The following AP2B1 variants were observed in gnomAD, a reference collection of about 807,000 sequenced individuals.
AP2B1 encodes the protein AP-2 complex subunit beta.
In AP2B1, 23 loss-of-function variants were observed where a neutral mutation model predicts 102.0. The observed-to-expected ratio is 0.23, with a 90% CI of 0.16 to 0.32. The LOEUF is 0.32. Ranked by LOEUF, AP2B1 falls within the 10% of genes least tolerant of loss-of-function variation. The pLI, the probability that AP2B1 is intolerant of heterozygous loss-of-function variation, is 1.00. For missense variants in AP2B1, 541 were observed against 1,157.4 expected (o/e 0.47, Z 7.73); for synonymous variants, 381 against 421.2 (o/e 0.90, Z 1.17).
At position 35,671,689 on chromosome 17, in the gene AP2B1, A is replaced by G. The variant is rs114491701; in HGVS notation, c.2032-65A>G. 64 of 1,513,712 alleles carry G rather than the reference A, an allele frequency of 4.2e-5. No individual in the cohort carries two copies. The African/African-American group carries it at 6.9e-4, about 16-fold the overall frequency. 93.8% of individuals were successfully genotyped at this position (1,513,712 alleles called of 1,614,324 possible). A position where few individuals can be genotyped will look rare whatever the true frequency, so the allele number is the denominator to read the frequency against. On this transcript the variant is annotated intron_variant, in intron 15 of 21. Transcript: ENST00000610402. ...ATCAAAACTACTAAGATATATAGCAATATTTTAAGGACTGTTAATCTGTTC... is the reference window on the plus strand; with the variant it reads ...ATCAAAACTACTAAGATATATAGCAGTATTTTAAGGACTGTTAATCTGTTC...
At chr17:35,648,743 AGTGTGTGTGT>A (rs10668040) in intron 12 of AP2B1, among the ~76,000 whole-genome samples, 137 of 148,690 alleles carry the variant, frequency 9.2e-4, no homozygotes, top group African/African-American at 2.8e-3. Flanking sequence ...ATATGAAATA[AGTGTGTGTGT>A]GTGTGTGTGT....
chr17:35,659,588 A>G (rs1392628519), intron 14 of AP2B1, among the ~76,000 whole-genome samples: 5 of 151,956 alleles, frequency 3.3e-5, no homozygotes, highest in East Asian at 3.9e-4. Context: ...ACACAGGCCT[A>G]TTTCCTTTTT....
intron 14 of AP2B1, among the ~76,000 whole-genome samples, chr17:35,669,351 C>T (rs1598232581): frequency 6.6e-6 from 1 of 152,208 alleles, no homozygotes; most frequent in East Asian, 1.9e-4. Flanking sequence ...ACCATGTTGG[C>T]CAGGGTGGTC....
intron 18 of AP2B1, among the ~76,000 whole-genome samples, chr17:35,687,631 T>C (rs901045938): frequency 1.3e-5 from 2 of 152,174 alleles, no homozygotes; most frequent in African/African-American, 4.8e-5. Flanking sequence ...CATTGCAGCC[T>C]CAAACTCCTA....
intron 18 of AP2B1, among the ~76,000 whole-genome samples, chr17:35,707,395 CCTGCCTTGGCCTCCCAAAGTGCTGG>C (rs2076363666): frequency 6.6e-6 from 1 of 151,580 alleles, no homozygotes; most frequent in Non-Finnish European, 1.5e-5. Flanking sequence ...TCGTGATCTG[CCTGCCTTGGCCTCCCAAAGTGCTGG>C]GATTACAGGC....
At chr17:35,667,856 G>A (rs1385297606) in intron 14 of AP2B1, among the ~76,000 whole-genome samples, 3 of 151,838 alleles carry the variant, frequency 2.0e-5, no homozygotes, top group African/African-American at 4.8e-5. Flanking sequence ...TCAGAAAGTC[G>A]AAAACCACCT....
chr17:35,676,944 T>C (rs191368803), intron 17 of AP2B1, among the ~76,000 whole-genome samples: 1 of 152,344 alleles, frequency 6.6e-6, no homozygotes, highest in East Asian at 1.9e-4. Context: ...AGTCCATGGC[T>C]TGCCTTTTCT....
chr17:35,651,708 A>G (rs2075089988), intron 13 of AP2B1, among the ~76,000 whole-genome samples: 1 of 146,344 alleles, frequency 6.8e-6, no homozygotes, highest in Non-Finnish European at 1.5e-5. Flanking sequence ...GTGGATACAG[A>G]TAAAGGAAAA....
chr17:35,594,970 CT>C (rs2073217955), intron 2 of AP2B1, among the ~76,000 whole-genome samples: 1 of 152,160 alleles, frequency 6.6e-6, no homozygotes, highest in African/African-American at 2.4e-5. Flanking sequence ...TGTAGCTTAG[CT>C]TGCTTTATTT....
chr17:35,677,317 CAGT>C (rs1257884901), intron 17 of AP2B1, among the ~76,000 whole-genome samples: 1 of 152,198 alleles, frequency 6.6e-6, no homozygotes, highest in African/African-American at 2.4e-5. Context: ...TCAGGTTCAT[CAGT>C]TTTTTTTCTT....
chr17:35,718,012 A>G (rs587710981), intron 21 of AP2B1, among the ~76,000 whole-genome samples: 12 of 152,332 alleles, frequency 7.9e-5, no homozygotes, highest in African/African-American at 2.4e-4. Context: ...CAATTTCCCA[A>G]TAGGATGTCA....
At chr17:35,605,599 T>C in intron 3 of AP2B1, 106 bp from the exon 4 acceptor site, 1 of 805,056 alleles carries the variant, frequency 1.2e-6, no homozygotes, top group Non-Finnish European at 2.0e-6. Context: ...TGGGGACATT[T>C]GTTCTTGCAT....
chr17:35,627,339 C>G (rs371708971), intron 7 of AP2B1, 46 bp from the exon 8 acceptor site: 248 of 1,376,422 alleles, frequency 1.8e-4, no homozygotes, highest in Non-Finnish European at 1.4e-4. Flanking sequence ...AAGGGTATAT[C>G]AGTATATGCC....
At chr17:35,664,907 A>G (rs191767799) in intron 14 of AP2B1, among the ~76,000 whole-genome samples, 2 of 152,110 alleles carry the variant, frequency 1.3e-5, no homozygotes. Flanking sequence ...TTTGTCTTAC[A>G]TCAGGAAGTA....
At chr17:35,605,656 G>T (rs147396999) in intron 3 of AP2B1, 49 bp from the exon 4 acceptor site, 1 of 1,387,266 alleles carries the variant, frequency 7.2e-7, no homozygotes, top group Non-Finnish European at 1.0e-6. Flanking sequence ...CAACAGCTTG[G>T]CACCAACACC....
chr17:35,605,693 C>T lies in AP2B1; in HGVS notation c.144-12C>T, dbSNP rs763115437. 1 of 1,597,272 alleles carries T rather than the reference C, an allele frequency of 6.3e-7. No individual in the cohort carries two copies. Among genetic ancestry groups the T allele is most frequent in the Non-Finnish European group, 8.6e-7 (1 of 1,169,324 alleles). Reference sequence around the variant, plus strand: ...GCTTACTTTCCTTTTCTCTTTTACCCTCTCTTCTCAGTTCTCTCTTTCCAG... The same window carrying T: ...GCTTACTTTCCTTTTCTCTTTTACCTTCTCTTCTCAGTTCTCTCTTTCCAG... On this transcript the variant is annotated splice_polypyrimidine_tract_variant and intron_variant, in intron 3 of 21. Transcript: ENST00000610402.
chr17:35,626,558 T>G, intron 6 of AP2B1, 63 bp from the exon 7 acceptor site: 10 of 1,358,260 alleles, frequency 7.4e-6, no homozygotes, highest in Non-Finnish European at 1.0e-5. Flanking sequence ...CATATTACCT[T>G]ATAGAATGAA....
chr17:35,709,707 T>C (rs1555586587), intron 19 of AP2B1, among the ~76,000 whole-genome samples: 2 of 152,244 alleles, frequency 1.3e-5, no homozygotes, highest in Non-Finnish European at 2.9e-5. Context: ...ATAATACATG[T>C]AAATTTAGCA....
At chr17:35,640,712 C>G (rs999750390) in intron 11 of AP2B1, among the ~76,000 whole-genome samples, 2 of 152,190 alleles carry the variant, frequency 1.3e-5, no homozygotes, top group Admixed American at 1.3e-4. Flanking sequence ...GCATGTCTTA[C>G]AAGGTTCAGG....
Sources: gnomAD v4.1 joint callset for allele counts (sites outside exome capture counted in the v4.1 genomes callset) on GRCh38, gnomAD v4.1.1 for gene constraint, MANE v1.5 for transcripts, NCBI Gene and HGNC (gene_info 2026-07-23, HGNC 2026-07-21) for gene names.